STK32A: variants seen among roughly 807,000 people sequenced by gnomAD.
STK32A encodes serine/threonine-protein kinase 32A.
Under a neutral mutation model 53.2 loss-of-function variants are expected in STK32A, and 41 were observed. The observed-to-expected ratio is 0.77, with a 90% CI of 0.60 to 1.00. STK32A has a LOEUF of 1.00. STK32A is among the 50% of genes least tolerant of loss of function. STK32A has a pLI of 0.00. For synonymous variants in STK32A, 166 were observed against 162.8 expected, an observed-to-expected ratio of 1.02 and a Z score of -0.15; for missense variants, 458 against 485.8, an observed-to-expected ratio of 0.94 and a Z score of 0.54.
chr5:147,304,756 A>G (rs2151967816), intron 4 of STK32A, among the ~76,000 whole-genome samples: 1 of 152,320 alleles, frequency 6.6e-6, no homozygotes, highest in Non-Finnish European at 1.5e-5. Flanking sequence ...TTTTTCAGAA[A>G]GGAAGGAGGG....
the STK32A span, chr5:147,397,965 C>G: frequency 6.8e-6 from 7 of 1,023,074 alleles, no homozygotes; most frequent in Non-Finnish European, 1.4e-6. Flanking sequence ...AGGAAAAGCT[C>G]ACCATGCATC....
intron 1 of STK32A, among the ~76,000 whole-genome samples, chr5:147,238,201 C>T (rs1035940741): frequency 6.6e-6 from 1 of 152,342 alleles, no homozygotes; most frequent in Non-Finnish European, 1.5e-5. Flanking sequence ...GGGGATAGAT[C>T]TGAAGATCTG....
At chr5:147,318,269 T>C (rs552930158) in intron 4 of STK32A, among the ~76,000 whole-genome samples, 3 of 152,224 alleles carry the variant, frequency 2.0e-5, no homozygotes, top group South Asian at 2.1e-4. Flanking sequence ...GCCATTGAAA[T>C]GCAAAGAAAA....
chr5:147,304,293 C>T (rs1009891325), intron 4 of STK32A, among the ~76,000 whole-genome samples: 2 of 152,158 alleles, frequency 1.3e-5, no homozygotes, highest in Admixed American at 1.3e-4. Flanking sequence ...TAAATGACTC[C>T]TGGATTGTTA....
intron 4 of STK32A, among the ~76,000 whole-genome samples, chr5:147,310,870 A>G (rs1753660423): frequency 6.6e-6 from 1 of 152,194 alleles, no homozygotes; most frequent in African/African-American, 2.4e-5. Context: ...TAATAATAGC[A>G]AAATTTCTCC....
At chr5:147,337,528 T>G (rs748991085) in intron 5 of STK32A, among the ~76,000 whole-genome samples, 8 of 152,164 alleles carry the variant, frequency 5.3e-5, no homozygotes, top group Non-Finnish European at 1.0e-4. Flanking sequence ...GAAAAAGACA[T>G]GCAGGGCTTA....
intron 5 of STK32A, among the ~76,000 whole-genome samples, chr5:147,332,425 C>T (rs1379646256): frequency 6.6e-6 from 1 of 150,838 alleles, no homozygotes; most frequent in East Asian, 1.9e-4. Context: ...AAAGTTAAAT[C>T]TTTTCCATTT....
chr5:147,394,403 G>C, the STK32A span, among the ~76,000 whole-genome samples: 2 of 152,148 alleles, frequency 1.3e-5, no homozygotes, highest in East Asian at 3.9e-4. Context: ...TGACAAAGAC[G>C]TGACACTCAT....
chr5:147,271,000 A>ATT (rs10590732), intron 2 of STK32A, among the ~76,000 whole-genome samples: 2,196 of 148,596 alleles, frequency 0.015, 54 homozygotes, highest in African/African-American at 0.052. Flanking sequence ...ATCATAGATA[A>ATT]TTTTTTTTTT....
the STK32A span, chr5:147,399,152 C>T: frequency 6.2e-7 from 1 of 1,614,224 alleles, no homozygotes; most frequent in Non-Finnish European, 8.5e-7. Flanking sequence ...GCTGTCAGAA[C>T]CCACAGATAT....
the STK32A span, chr5:147,395,738 G>A: frequency 6.2e-7 from 1 of 1,612,968 alleles, no homozygotes; most frequent in African/African-American, 1.3e-5. Flanking sequence ...CCAGAGAAGA[G>A]CATGTCACCA....
chr5:147,247,245 C>CCT (rs1407090830), intron 2 of STK32A, among the ~76,000 whole-genome samples: 1 of 152,136 alleles, frequency 6.6e-6, no homozygotes, highest in Non-Finnish European at 1.5e-5. Flanking sequence ...CAGTGTTAGC[C>CCT]CTCAATTCAC....
chr5:147,244,234 G>C (rs1036262442), intron 2 of STK32A, among the ~76,000 whole-genome samples: 1 of 152,124 alleles, frequency 6.6e-6, no homozygotes, highest in African/African-American at 2.4e-5. Context: ...TTTTAAGTCT[G>C]AGTCGTATTC....
chr5:147,384,451 C>G lies in STK32A; in HGVS notation c.*468C>G. 6.5e-7 allele frequency: 1 copy of G among 1,530,576 alleles called. No individual in the cohort carries two copies. The highest frequency in any genetic ancestry group is 1.2e-5 in the South Asian group (1 of 83,574). The allele number at this position is 1,530,576 out of a possible 1,614,324, so 94.8% of individuals were successfully genotyped here. A position where few individuals can be genotyped will look rare whatever the true frequency, so the allele number is the denominator to read the frequency against. On this transcript the variant is annotated 3_prime_UTR_variant, in exon 13 of 13. Transcript: ENST00000397936. ...AAGTTTCATAAAGTGGTCAGAATGC[C>G]CCAGGCTACTTGGATAAAGATAAGG...
chr5:147,355,977 A>G (rs531730951), intron 7 of STK32A, among the ~76,000 whole-genome samples: 118 of 152,274 alleles, frequency 7.7e-4, no homozygotes, highest in African/African-American at 2.6e-3. Context: ...TCATTTTATA[A>G]TGTAACAATA....
chr5:147,397,844 G>T, the STK32A span: 2 of 1,599,682 alleles, frequency 1.3e-6, no homozygotes, highest in East Asian at 2.2e-5. Flanking sequence ...GTACTCTGCC[G>T]CCTAGAGGCA....
chr5:147,325,497 G>A (rs898208780), intron 5 of STK32A, among the ~76,000 whole-genome samples: 12 of 152,132 alleles, frequency 7.9e-5, no homozygotes, highest in African/African-American at 1.4e-4. Context: ...TGAAGGTGAA[G>A]CATCAGAATT....
At chr5:147,243,926 C>T (rs987923736) in intron 2 of STK32A, among the ~76,000 whole-genome samples, 33 of 152,102 alleles carry the variant, frequency 2.2e-4, no homozygotes, top group Middle Eastern at 3.4e-3. Flanking sequence ...TTAGAATATA[C>T]GGTTTATGAC....
chr5:147,333,113 G>A (rs1156268383), intron 5 of STK32A, among the ~76,000 whole-genome samples: 6 of 152,142 alleles, frequency 3.9e-5, no homozygotes, highest in African/African-American at 1.4e-4. Context: ...TTCAGGTTTA[G>A]TCATTTAACA....
Sources: gnomAD v4.1 joint callset for allele counts (sites outside exome capture counted in the v4.1 genomes callset) on GRCh38, gnomAD v4.1.1 for gene constraint, MANE v1.5 for transcripts, NCBI Gene and HGNC (gene_info 2026-07-23, HGNC 2026-07-21) for gene names.